The following AFG1L variants were observed in gnomAD, a reference collection of about 807,000 sequenced individuals.
The protein encoded by AFG1L is AFG1 like ATPase, also known as AFG1-like ATPase.
A neutral mutation model predicts 62.2 loss-of-function variants in AFG1L; 53 were observed. The observed-to-expected ratio is 0.85, with a 90% CI of 0.68 to 1.07. The LOEUF is 1.07. Ranked by LOEUF, AFG1L falls within the 50% of genes least tolerant of loss-of-function variation. The probability of loss-of-function intolerance (pLI) is 0.00; values close to 1 mark genes in which losing one functional copy is unlikely to be tolerated. For missense variants in AFG1L, 555 were observed against 590.5 expected (o/e 0.94, Z 0.62); for synonymous variants, 228 against 210.3 (o/e 1.08, Z -0.73).
chr6:108,384,315 C>G (rs1562123500), intron 6 of AFG1L, among the ~76,000 whole-genome samples: 1 of 152,114 alleles, frequency 6.6e-6, no homozygotes, highest in African/African-American at 2.4e-5. Context: ...TTGGTATAGC[C>G]TGAGGTTCTG....
At chr6:108,399,387 C>T (rs1326508198) in intron 6 of AFG1L, among the ~76,000 whole-genome samples, 3 of 151,668 alleles carry the variant, frequency 2.0e-5, no homozygotes, top group South Asian at 2.1e-4. Flanking sequence ...AGGGTTTCAC[C>T]GTGTTGGCCA....
At position 108,334,117 on chromosome 6, in the gene AFG1L, C is replaced by T. The variant is rs186405292; in HGVS notation, c.363+10069C>T. 1.6e-3 allele frequency among the ~76,000 whole-genome samples: 244 copies of T among 152,216 alleles called. 3 individuals carry two copies. Among genetic ancestry groups the T allele is most frequent in the Non-Finnish European group, 2.3e-3 (158 of 68,012 alleles). ...CTGCCTCCTGGGTTCAAGCAATTCT[C>T]GTGCCTCAGCCTCCTGAGTAGGTAG... On this transcript the variant is annotated intron_variant, in intron 2 of 12. Coordinates refer to ENST00000368977, the MANE Select transcript of AFG1L (RefSeq NM_145315.5).
At chr6:108,308,159 A>AT (rs1178061682) in intron 1 of AFG1L, among the ~76,000 whole-genome samples, 5 of 151,556 alleles carry the variant, frequency 3.3e-5, no homozygotes, top group African/African-American at 4.9e-5. Context: ...CATTAAAAAC[A>AT]TTTTTTTTGA....
rs371470107 is a variant in AFG1L, at chr6:108,450,088, A to G, written c.890+2792A>G. Reference sequence around the variant, plus strand: ...CGTGTGCATGTGTCTTTATAGCAGCATGATTTATAATCCTTTGGGTATATA... The same window carrying G: ...CGTGTGCATGTGTCTTTATAGCAGCGTGATTTATAATCCTTTGGGTATATA... On this transcript the variant is annotated intron_variant, in intron 8 of 12. Transcript: ENST00000368977. Among the ~76,000 whole-genome samples, 4 of 152,368 alleles carry G rather than the reference A, an allele frequency of 2.6e-5. No individual in the cohort carries two copies. The East Asian group carries it at 5.8e-4, about 22-fold the overall frequency.
At position 108,435,185 on chromosome 6, in the gene AFG1L, C is replaced by A. The variant is rs568526296; in HGVS notation, c.808-12029C>A. Among the ~76,000 whole-genome samples, 8 of 152,286 alleles carry A rather than the reference C, an allele frequency of 5.3e-5. No individual in the cohort carries two copies. In the East Asian group the frequency reaches 9.7e-4, roughly 18 times the overall value. The stretch of plus-strand genomic sequence containing the variant: ...CACAGCCTGAGGGATAGGGACACTA[C>A]ACACATAACGATTATAAACCAGAAG... On this transcript the variant is annotated intron_variant, in intron 7 of 12. Transcript: ENST00000368977.
intron 7 of AFG1L, among the ~76,000 whole-genome samples, chr6:108,410,918 A>G (rs948366680): frequency 3.9e-5 from 6 of 152,082 alleles, no homozygotes; most frequent in African/African-American, 1.4e-4. Flanking sequence ...GGTTCATCTC[A>G]CTGGGGCTTG....
rs565094551 is a variant in AFG1L, at chr6:108,344,885, C to A, written c.364-2103C>A. ...AGGTAAGATAAGTTCTATTTTGCTT[C>A]ATCTCCAGAGCCCTTCAGTTTCCAG... On this transcript the variant is annotated intron_variant, in intron 2 of 12. Transcript: ENST00000368977. 1.3e-5 allele frequency: 6 copies of A among 454,522 alleles called. No individual in the cohort carries two copies. In the East Asian group the frequency reaches 4.2e-4, roughly 32 times the overall value. The allele number at this position is 454,522 out of a possible 1,614,324, so 28.2% of individuals were successfully genotyped here.
chr6:108,392,920 T>A (rs543941411), intron 6 of AFG1L, among the ~76,000 whole-genome samples: 1 of 152,156 alleles, frequency 6.6e-6, no homozygotes, highest in Non-Finnish European at 1.5e-5. Context: ...AAGGAAAAGA[T>A]CTGCGTATCC....
intron 10 of AFG1L, among the ~76,000 whole-genome samples, chr6:108,486,194 T>TA (rs771086112): frequency 1.4e-4 from 21 of 152,174 alleles, no homozygotes; most frequent in Non-Finnish European, 3.1e-4. Flanking sequence ...TTGATTTTTT[T>TA]AAAAAGCTTT....
In AFG1L at chr6:108,295,211, T is replaced by C. The variant is rs753153988; in HGVS notation, c.132T>C (p.Phe44=). 1.2e-6 allele frequency: 2 copies of C among 1,603,360 alleles called. No homozygotes were observed. The highest frequency in any genetic ancestry group is 4.5e-5 in the East Asian group (2 of 44,846). Residue 44 remains phenylalanine, a synonymous_variant, in exon 1 of 13, where the codon TTT becomes TTC. Transcript: ENST00000368977. The part of the protein sequence containing the change: ...APLATAPGKP[F]WKAYTVQTSE... ...TGGCCACCGCCCCTGGGAAGCCCTT[T>C]TGGAAAGGTCAGTGACTGTGCCATG...
intron 5 of AFG1L, among the ~76,000 whole-genome samples, chr6:108,360,264 C>A (rs896964412): frequency 2.6e-5 from 4 of 152,258 alleles, no homozygotes; most frequent in Admixed American, 2.6e-4. Context: ...TCATTGCTTC[C>A]TACTGTTCCC....
At chr6:108,332,207 C>T (rs1302140848) in intron 2 of AFG1L, among the ~76,000 whole-genome samples, 3 of 152,210 alleles carry the variant, frequency 2.0e-5, no homozygotes, top group South Asian at 4.1e-4. Context: ...TAGATGACTG[C>T]TACCTGACTA....
intron 7 of AFG1L, 36 bp downstream of exon 7, chr6:108,402,090 C>A (rs373116766): frequency 2.3e-5 from 24 of 1,066,460 alleles, no homozygotes; most frequent in Non-Finnish European, 3.0e-5. Flanking sequence ...TTACTAAGAT[C>A]ATACTTATTG....
chr6:108,493,907 G>T (rs913354228), intron 10 of AFG1L, among the ~76,000 whole-genome samples: 1 of 152,118 alleles, frequency 6.6e-6, no homozygotes, highest in Admixed American at 6.5e-5. Context: ...CATGATCTCA[G>T]CTCACTGCAA....
intron 6 of AFG1L, 39 bp downstream of exon 6, chr6:108,366,371 G>A (rs1194635201): frequency 2.4e-6 from 3 of 1,248,366 alleles, no homozygotes; most frequent in East Asian, 4.7e-5. Flanking sequence ...CCAATTAGGT[G>A]GAAACTAACA....
intron 8 of AFG1L, among the ~76,000 whole-genome samples, chr6:108,470,142 G>A (rs1053254531): frequency 2.0e-5 from 3 of 152,190 alleles, no homozygotes; most frequent in East Asian, 1.9e-4. Flanking sequence ...GCTCATCCAA[G>A]TAAGGAGAGC....
intron 10 of AFG1L, among the ~76,000 whole-genome samples, chr6:108,501,888 A>G (rs570340919): frequency 6.6e-6 from 1 of 152,332 alleles, no homozygotes; most frequent in Non-Finnish European, 1.5e-5. Flanking sequence ...ACTGTAGTCT[A>G]TTAAGTGTGC....
intron 8 of AFG1L, among the ~76,000 whole-genome samples, chr6:108,450,554 A>G (rs9486886): frequency 0.023 from 3,455 of 152,144 alleles, 122 homozygotes; most frequent in African/African-American, 0.076. Flanking sequence ...TAGGTTGTCT[A>G]TTCACTCTGA....
intron 6 of AFG1L, among the ~76,000 whole-genome samples, chr6:108,385,288 G>T (rs981445218): frequency 1.3e-5 from 2 of 152,246 alleles, no homozygotes; most frequent in African/African-American, 4.8e-5. Context: ...TGATGGCCAT[G>T]ATGCCCACGC....
Sources: gnomAD v4.1 joint callset for allele counts (sites outside exome capture counted in the v4.1 genomes callset) on GRCh38, gnomAD v4.1.1 for gene constraint, MANE v1.5 for transcripts, NCBI Gene and HGNC (gene_info 2026-07-23, HGNC 2026-07-21) for gene names.